Variants in KALRN observed in about 807,000 individuals in gnomAD.
KALRN encodes the protein kalirin.
Under a neutral mutation model 353.7 loss-of-function variants are expected in KALRN, and 70 were observed. The observed-to-expected ratio is 0.20, with a 90% CI of 0.16 to 0.24. KALRN has a LOEUF of 0.24. Ranked by LOEUF, KALRN falls within the 10% of genes least tolerant of loss-of-function variation. KALRN has a pLI of 1.00. For synonymous variants in KALRN, 1,391 were observed against 1,434.8 expected (o/e 0.97, Z 0.69); for missense variants, 2,791 against 3,756.7 (o/e 0.74, Z 6.72).
At chr3:124,659,328 G>A (rs369960320) in intron 42 of KALRN, 37 bp from the exon 43 acceptor site, 27 of 1,437,402 alleles carry the variant, frequency 1.9e-5, no homozygotes, top group African/African-American at 2.8e-5. Context: ...CAGTTCTTCA[G>A]TTCCTTTTTC....
At chr3:124,686,191 A>AT (rs2061550191) in intron 51 of KALRN, among the ~76,000 whole-genome samples, 1 of 152,324 alleles carries the variant, frequency 6.6e-6, no homozygotes, top group South Asian at 2.1e-4. Context: ...GCCTGGAGCC[A>AT]TTTATTCATT....
At chr3:124,113,890 A>G (rs1290935565) in intron 1 of KALRN, among the ~76,000 whole-genome samples, 2 of 152,244 alleles carry the variant, frequency 1.3e-5, no homozygotes, top group East Asian at 3.9e-4. Flanking sequence ...CAGTATCTTC[A>G]GAAACCCGTT....
rs58088529 is a variant in KALRN at position 124,342,923 on chromosome 3, A to G, written c.1648-4220A>G. On this transcript the variant is annotated intron_variant, in intron 9 of 59. Coordinates refer to ENST00000682506, the MANE Select transcript of KALRN (RefSeq NM_001388419.1). ...CACTCCTGTACCAGTGACTAGTTCT[A>G]CCTTCCACTCAGTTATTCAAGACAT... Among the ~76,000 whole-genome samples the G allele has an allele frequency of 3.0e-3, 462 of 152,256 alleles. 5 individuals are homozygous for G. Among genetic ancestry groups the G allele is most frequent in the African/African-American group, 0.011 (446 of 41,538 alleles).
chr3:124,372,173 A>G (rs774274321), intron 10 of KALRN, among the ~76,000 whole-genome samples: 5 of 152,050 alleles, frequency 3.3e-5, no homozygotes, highest in Non-Finnish European at 7.4e-5. Context: ...TATGTACCAC[A>G]TTTTCTTCAT....
chr3:124,436,963 G>C (rs1157900251), intron 17 of KALRN, among the ~76,000 whole-genome samples: 2 of 144,112 alleles, frequency 1.4e-5, no homozygotes, highest in African/African-American at 5.2e-5. Flanking sequence ...CTAGAGATGG[G>C]ACTAGGGAAG....
At chr3:124,146,243 C>A (rs1217145380) in intron 1 of KALRN, among the ~76,000 whole-genome samples, 1 of 152,100 alleles carries the variant, frequency 6.6e-6, no homozygotes, top group African/African-American at 2.4e-5. Flanking sequence ...GCTCTGCCAA[C>A]CATTTGTTGT....
Position 124,456,635 on chromosome 3 carries a change from T to G in KALRN, c.3761T>G (p.Ile1254Ser). 1 of 1,612,652 alleles carries G rather than the reference T, an allele frequency of 6.2e-7. No individual in the cohort carries two copies. The highest frequency in any genetic ancestry group is 8.5e-7 in the Non-Finnish European group (1 of 1,178,982). Residue 1254 changes from isoleucine (I) to serine (S), a missense_variant, in exon 23 of 60, where the codon ATT (isoleucine) becomes AGT (serine). Around this residue, in one of 11 missense-constraint regions of KALRN, gnomAD observed 268 missense variants for 347.0 expected, o/e 0.77. Coordinates refer to ENST00000682506, the MANE Select transcript of KALRN (RefSeq NM_001388419.1). The part of the protein sequence containing the change: ...TEDNKDLELD[I>S]IPASLSDREV... The stretch of plus-strand genomic sequence containing the variant: ...GATAATAAGGACCTGGAGCTGGATA[T>G]TATCCCAGCAAGCCTTTCGGATCGG...
At chr3:124,343,011 T>C (rs2081929563) in intron 9 of KALRN, among the ~76,000 whole-genome samples, 1 of 152,164 alleles carries the variant, frequency 6.6e-6, no homozygotes, top group Non-Finnish European at 1.5e-5. Context: ...TACCAAGTCC[T>C]GGCAATTCTT....
At chr3:124,046,111 A>G (rs2040454601) in intron 1 of KALRN, among the ~76,000 whole-genome samples, 3 of 152,222 alleles carry the variant, frequency 2.0e-5, no homozygotes, top group Non-Finnish European at 4.4e-5. Flanking sequence ...TTATGCATGT[A>G]TATTATTCTT....
chr3:124,150,384 G>A (rs987217648), intron 1 of KALRN, among the ~76,000 whole-genome samples: 5 of 151,978 alleles, frequency 3.3e-5, no homozygotes, highest in Non-Finnish European at 7.4e-5. Context: ...GAATGTTCAA[G>A]TTTTTTAAAT....
At chr3:124,585,553 G>T (rs1483798444) in intron 34 of KALRN, among the ~76,000 whole-genome samples, 1 of 152,094 alleles carries the variant, frequency 6.6e-6, no homozygotes, top group East Asian at 1.9e-4. Flanking sequence ...GAAGAGACTT[G>T]CAGGAAGCAA....
intron 37 of KALRN, among the ~76,000 whole-genome samples, chr3:124,647,022 C>T (rs1000331977): frequency 2.6e-5 from 4 of 152,102 alleles, no homozygotes; most frequent in Non-Finnish European, 5.9e-5. Context: ...ACCCTTCCAT[C>T]ATTGGTCTTA....
intron 58 of KALRN, 22 bp from the exon 59 acceptor site, chr3:124,717,225 G>T: frequency 6.4e-7 from 1 of 1,574,518 alleles, no homozygotes; most frequent in Non-Finnish European, 8.6e-7. Context: ...TATTTCCTTT[G>T]CCTTTCCCTG....
intron 1 of KALRN, among the ~76,000 whole-genome samples, chr3:124,148,690 C>T (rs902385489): frequency 2.0e-4 from 31 of 151,478 alleles, no homozygotes; most frequent in African/African-American, 5.3e-4. Flanking sequence ...ATGAAGCATG[C>T]GCTGAGTTAA....
chr3:124,248,372 CA>C (rs1451434286), intron 3 of KALRN, among the ~76,000 whole-genome samples: 2 of 152,184 alleles, frequency 1.3e-5, no homozygotes, highest in Non-Finnish European at 2.9e-5. Flanking sequence ...GCTGTGACCA[CA>C]GGGGGTTACC....
At chr3:124,172,672 G>A (rs746883563) in intron 1 of KALRN, among the ~76,000 whole-genome samples, 52 of 152,120 alleles carry the variant, frequency 3.4e-4, no homozygotes, top group Non-Finnish European at 6.8e-4. Flanking sequence ...GGAACATAGA[G>A]AGTTCCTGGG....
intron 1 of KALRN, among the ~76,000 whole-genome samples, chr3:124,195,186 C>T (rs1252170124): frequency 3.3e-5 from 5 of 152,044 alleles, no homozygotes; most frequent in Non-Finnish European, 7.4e-5. Flanking sequence ...TTACTATAGC[C>T]CCTCATTAAT....
chr3:124,064,445 T>TGAATA (rs2042197735), intron 1 of KALRN, among the ~76,000 whole-genome samples: 1 of 152,192 alleles, frequency 6.6e-6, no homozygotes, highest in Non-Finnish European at 1.5e-5. Flanking sequence ...GCAGCCTTGA[T>TGAATA]GAATAGAGAA....
At chr3:124,444,153 A>T (rs1419611986) in intron 19 of KALRN, among the ~76,000 whole-genome samples, 1 of 152,240 alleles carries the variant, frequency 6.6e-6, no homozygotes, top group Non-Finnish European at 1.5e-5. Context: ...AACTGGGCTC[A>T]GCAGTGCAGT....
Sources: gnomAD v4.1 joint callset for allele counts (sites outside exome capture counted in the v4.1 genomes callset) on GRCh38, gnomAD v4.1.1 for gene constraint, gnomAD v4.1.1 regional missense constraint, MANE v1.5 for transcripts, NCBI Gene and HGNC (gene_info 2026-07-23, HGNC 2026-07-21) for gene names.